ZSCAN5A: variants seen among roughly 807,000 people sequenced by gnomAD.
ZSCAN5A encodes zinc finger and SCAN domain containing 5A.
A neutral mutation model predicts 23.7 loss-of-function variants in ZSCAN5A; 12 were observed. The ratio of observed to expected loss-of-function variants is 0.51; its 90% CI spans 0.32 to 0.82. The LOEUF (loss-of-function observed/expected upper bound fraction) is 0.82. Among genes scored for constraint, ZSCAN5A ranks in the 40% least tolerant of loss-of-function variants. The pLI is 0.03. For missense variants in ZSCAN5A, 597 were observed against 617.9 expected (o/e 0.97, Z 0.36); for synonymous variants, 257 against 239.9 (o/e 1.07, Z -0.66).
intron 2 of ZSCAN5A, among the ~76,000 whole-genome samples, chr19:56,231,841 A>G (rs1027850929): frequency 7.9e-5 from 12 of 152,094 alleles, no homozygotes; most frequent in African/African-American, 2.9e-4. Flanking sequence ...CATTGCCGTC[A>G]TCAAGAAGCT....
intron 2 of ZSCAN5A, chr19:56,312,113 A>G (rs2041076298): frequency 6.6e-6 from 1 of 152,252 alleles, no homozygotes; most frequent in Non-Finnish European, 1.5e-5. Flanking sequence ...ATTATTAATG[A>G]GATCAGTTAT....
At chr19:56,344,158 A>T (rs2041614376) in intron 2 of ZSCAN5A, among the ~76,000 whole-genome samples, 1 of 152,240 alleles carries the variant, frequency 6.6e-6, no homozygotes, top group Non-Finnish European at 1.5e-5. Flanking sequence ...ATTCCTGGGC[A>T]TAGGCCAAAC....
chr19:56,366,562 C>G (rs2041767819), intron 1 of ZSCAN5A, among the ~76,000 whole-genome samples: 1 of 152,160 alleles, frequency 6.6e-6, no homozygotes, highest in Non-Finnish European at 1.5e-5. Flanking sequence ...TGTAACTGGC[C>G]TTAACCAATC....
chr19:56,367,477 A>G (rs2041777905), intron 1 of ZSCAN5A: 1 of 152,256 alleles, frequency 6.6e-6, no homozygotes, highest in Non-Finnish European at 1.5e-5. Context: ...CCTCCAATTT[A>G]CTTTTCTGTA....
rs112224719 is a variant in ZSCAN5A, at chr19:56,358,314, T to G, written c.-358+4921A>C. 3.4e-5 allele frequency among the ~76,000 whole-genome samples: 5 copies of G among 147,718 alleles called. 1 individual carries two copies. Among genetic ancestry groups the G allele is most frequent in the African/African-American group, 5.1e-5 (2 of 39,008 alleles). The stretch of plus-strand genomic sequence containing the variant: ...TTTTGTATTTTGAGTAGAGGCAGGG[T>G]TTCACCACGTAGGCCAGGCTGGTCT... On this transcript the variant is annotated intron_variant, in intron 2 of 6. Transcript: ENST00000587340.
chr19:56,302,547 T>TTTCTTCCTCCCCCTCTTCTTC (rs1568726189), intron 2 of ZSCAN5A, among the ~76,000 whole-genome samples: 1 of 78,804 alleles, frequency 1.3e-5, no homozygotes, highest in Non-Finnish European at 2.3e-5. Flanking sequence ...TCCTCCCCGT[T>TTTCTTCCTCCCCCTCTTCTTC]CCTCCCTCCC....
intron 2 of ZSCAN5A, among the ~76,000 whole-genome samples, chr19:56,309,096 C>T (rs4801312): frequency 0.44 from 66,329 of 152,070 alleles, 14,758 homozygotes; most frequent in Middle Eastern, 0.6. Flanking sequence ...TGCATTCATA[C>T]AATGGATTAT....
chr19:56,293,336 A>T (rs1437489719), intron 2 of ZSCAN5A, among the ~76,000 whole-genome samples: 1 of 152,184 alleles, frequency 6.6e-6, no homozygotes, highest in Non-Finnish European at 1.5e-5. Flanking sequence ...GAATAACTTA[A>T]GCCCAGTCTG....
chr19:56,305,940 T>C (rs532930249), intron 2 of ZSCAN5A, among the ~76,000 whole-genome samples: 81 of 140,180 alleles, frequency 5.8e-4, no homozygotes, highest in African/African-American at 2.2e-3. Flanking sequence ...GTGGCCTAGA[T>C]GTGCCTGGAG....
intron 2 of ZSCAN5A, among the ~76,000 whole-genome samples, chr19:56,299,568 C>T (rs2040097796): frequency 6.6e-6 from 1 of 152,138 alleles, no homozygotes; most frequent in African/African-American, 2.4e-5. Context: ...CCTCAGTATC[C>T]TCAGGGGTTG....
chr19:56,250,452 C>T (rs564553147), intron 2 of ZSCAN5A, among the ~76,000 whole-genome samples: 1 of 152,304 alleles, frequency 6.6e-6, no homozygotes, highest in African/African-American at 2.4e-5. Context: ...ATATAATTCA[C>T]CCTCAGATCT....
chr19:56,238,997 A>C (rs549728617), intron 2 of ZSCAN5A, among the ~76,000 whole-genome samples: 7 of 152,224 alleles, frequency 4.6e-5, no homozygotes, highest in African/African-American at 1.7e-4. Context: ...ACAAGGAAAA[A>C]TATCACAAAG....
At chr19:56,315,365 G>A (rs1413132651), upstream of ZSCAN5A, 1 of 152,320 alleles carries the variant, frequency 6.6e-6, no homozygotes, top group Non-Finnish European at 1.5e-5. Flanking sequence ...TGTCGTCTGC[G>A]GGGAGGTTGG....
chr19:56,269,545 G>C (rs2037700701), intron 2 of ZSCAN5A, among the ~76,000 whole-genome samples: 1 of 152,124 alleles, frequency 6.6e-6, no homozygotes, highest in Admixed American at 6.6e-5. Context: ...CTGGATTACT[G>C]GGGTAGGTCC....
At chr19:56,288,752 C>G (rs1416599021) in intron 2 of ZSCAN5A, among the ~76,000 whole-genome samples, 1 of 152,186 alleles carries the variant, frequency 6.6e-6, no homozygotes, top group East Asian at 1.9e-4. Context: ...TCCACCTCTG[C>G]TCTCCTCTGA....
At chr19:56,330,959 ATTC>A (rs2041483271) in intron 2 of ZSCAN5A, among the ~76,000 whole-genome samples, 1 of 151,928 alleles carries the variant, frequency 6.6e-6, no homozygotes, top group African/African-American at 2.4e-5. Context: ...TAAATCTTTA[ATTC>A]TTCTTGAGTT....
intron 2 of ZSCAN5A, among the ~76,000 whole-genome samples, chr19:56,287,570 TA>T (rs944391083): frequency 6.6e-6 from 1 of 152,156 alleles, no homozygotes; most frequent in African/African-American, 2.4e-5. Flanking sequence ...CCGGACTTTA[TA>T]AAAAGCAAAA....
At chr19:56,239,897 C>T (rs1366499850) in intron 2 of ZSCAN5A, among the ~76,000 whole-genome samples, 3 of 152,238 alleles carry the variant, frequency 2.0e-5, no homozygotes, top group East Asian at 1.9e-4. Context: ...GGTGTGGTGG[C>T]TCACGCCTGT....
At position 56,351,087 on chromosome 19, in the gene ZSCAN5A, G is replaced by A. The variant is rs1419376530; in HGVS notation, c.-358+12148C>T. Among the ~76,000 whole-genome samples, 2 of 151,920 alleles carry A rather than the reference G, an allele frequency of 1.3e-5. No homozygotes were observed. Among genetic ancestry groups the A allele is most frequent in the Admixed American group, 6.6e-5 (1 of 15,228 alleles). On this transcript the variant is annotated intron_variant, in intron 2 of 6. Coordinates refer to the ZSCAN5A transcript ENST00000587340. The surrounding 1 kb of genome is among the most constrained non-coding windows in gnomAD (Gnocchi z 4.8). ...AGCAGTTAGGTTTACTTCTCTTTGAGGGGGGGATATTACAGGAGTTATTAA... is the reference window on the plus strand; with the variant it reads ...AGCAGTTAGGTTTACTTCTCTTTGAAGGGGGGATATTACAGGAGTTATTAA...
Sources: gnomAD v4.1 joint callset for allele counts (sites outside exome capture counted in the v4.1 genomes callset) on GRCh38, gnomAD v4.1.1 for gene constraint, Gnocchi (gnomAD v3.1) non-coding constraint, MANE v1.5 for transcripts, NCBI Gene and HGNC (gene_info 2026-07-23, HGNC 2026-07-21) for gene names.